The following PIGN variants were observed in gnomAD, a reference collection of about 807,000 sequenced individuals.
The protein encoded by PIGN is phosphatidylinositol glycan anchor biosynthesis class N, also known as GPI ethanolamine phosphate transferase 1.
A neutral mutation model predicts 125.4 loss-of-function variants in PIGN; 117 were observed. The observed-to-expected ratio is 0.93, with a 90% CI of 0.80 to 1.09. The LOEUF (loss-of-function observed/expected upper bound fraction) is 1.09. Ranked by LOEUF, PIGN falls within the 50% of genes least tolerant of loss-of-function variation. PIGN has a pLI of 0.00. For missense variants in PIGN, 1,075 were observed against 1,094.9 expected (o/e 0.98, Z 0.26); for synonymous variants, 392 against 377.8 (o/e 1.04, Z -0.44).
intron 16 of PIGN, among the ~76,000 whole-genome samples, chr18:62,112,251 A>C (rs1380770941): frequency 2.6e-5 from 4 of 152,216 alleles, no homozygotes; most frequent in Non-Finnish European, 5.9e-5. Context: ...CAAAATTATA[A>C]TAAACACTAA....
At chr18:62,137,381 G>C (rs893699886) in intron 14 of PIGN, 12 of 349,024 alleles carry the variant, frequency 3.4e-5, no homozygotes, top group Non-Finnish European at 2.0e-5. Context: ...GGTCTATTCT[G>C]GGACGTCACC....
intron 25 of PIGN, 27 bp downstream of exon 25, chr18:62,088,729 T>G: frequency 7.3e-7 from 1 of 1,373,702 alleles, no homozygotes; most frequent in Non-Finnish European, 1.0e-6. Flanking sequence ...TTGCAGCTCT[T>G]TAAACCAAAG....
intron 30 of PIGN, among the ~76,000 whole-genome samples, chr18:62,063,993 G>T (rs1164388283): frequency 6.6e-6 from 1 of 151,594 alleles, no homozygotes; most frequent in Non-Finnish European, 1.5e-5. Context: ...TGAGCTAATG[G>T]GTGCAGCACA....
chr18:62,098,962 T>C (rs1356693788), intron 22 of PIGN, among the ~76,000 whole-genome samples: 2 of 152,080 alleles, frequency 1.3e-5, no homozygotes, highest in South Asian at 2.1e-4. Context: ...CACTGCATAA[T>C]GTACAAGTGT....
At chr18:62,173,195 A>G (rs1423041178) in intron 1 of PIGN, among the ~76,000 whole-genome samples, 1 of 152,214 alleles carries the variant, frequency 6.6e-6, no homozygotes, top group Non-Finnish European at 1.5e-5. Flanking sequence ...CAATAACTCT[A>G]TTCAGCCATT....
intron 22 of PIGN, 21 bp from the exon 23 acceptor site, chr18:62,095,971 T>G (rs1318124827): frequency 1.3e-6 from 2 of 1,490,606 alleles, no homozygotes; most frequent in Non-Finnish European, 1.9e-6. Flanking sequence ...ACAGAACAGG[T>G]CATCTGTCAG....
At chr18:62,135,968 A>G (rs1029737011) in intron 14 of PIGN, 1 of 152,188 alleles carries the variant, frequency 6.6e-6, no homozygotes, top group African/African-American at 2.4e-5. Flanking sequence ...TCATTTGGTT[A>G]TAGTTTGCCT....
rs1253124512 is a variant in PIGN, at chr18:62,043,671, GA to G, written c.*2184del. 1 of 152,066 alleles carries G rather than the reference GA, an allele frequency of 6.6e-6. No individual in the cohort carries two copies. The highest frequency in any genetic ancestry group is 2.4e-5 in the African/African-American group (1 of 41,380). 9.4% of individuals were successfully genotyped at this position (152,066 alleles called of 1,614,324 possible). A position where few individuals can be genotyped will look rare whatever the true frequency, so the allele number is the denominator to read the frequency against. Reference sequence around the variant, plus strand: ...ACTAAGTATAATAATTAACATATTGGAAAATGACAGACAAGCTGCAGCGGTT... The same window carrying G: ...ACTAAGTATAATAATTAACATATTGGAAATGACAGACAAGCTGCAGCGGTT... On this transcript the variant is annotated 3_prime_UTR_variant, in exon 31 of 31. Coordinates refer to ENST00000640252, the MANE Select transcript of PIGN (RefSeq NM_176787.5).
Position 62,045,499 on chromosome 18 carries a change from CA to C in PIGN, c.*356del, listed in dbSNP as rs2030601879. The C allele has an allele frequency of 5.9e-6, 1 of 168,352 alleles. No homozygotes were observed. Among genetic ancestry groups the C allele is most frequent in the African/African-American group, 2.4e-5 (1 of 41,748 alleles). 10.4% of individuals were successfully genotyped at this position (168,352 alleles called of 1,614,324 possible). On this transcript the variant is annotated 3_prime_UTR_variant, in exon 31 of 31. Coordinates refer to ENST00000640252, the MANE Select transcript of PIGN (RefSeq NM_176787.5). ...CTCTGGATGCCATCAGCACTGCCCC[CA>C]CAGGCATATGCTCTCCTCTGGGTAT...
chr18:62,084,684 T>C (rs2033608230), intron 26 of PIGN, 78 bp from the exon 27 acceptor site: 1 of 931,724 alleles, frequency 1.1e-6, no homozygotes, highest in East Asian at 2.6e-5. Context: ...AAAAGATGTT[T>C]AAACTAATTC....
chr18:62,144,081 T>G (rs1038869014), intron 10 of PIGN, among the ~76,000 whole-genome samples: 5 of 152,184 alleles, frequency 3.3e-5, no homozygotes, highest in Non-Finnish European at 7.3e-5. Context: ...CACTAATCAG[T>G]TGATGAAAAA....
intron 29 of PIGN, 60 bp downstream of exon 29, chr18:62,074,719 T>A: frequency 9.2e-7 from 1 of 1,086,580 alleles, no homozygotes; most frequent in Admixed American, 2.2e-5. Flanking sequence ...ATATTTCTCT[T>A]TATTAAATTA....
intron 23 of PIGN, among the ~76,000 whole-genome samples, chr18:62,028,048 C>T (rs1179804375): frequency 6.6e-6 from 1 of 152,228 alleles, no homozygotes; most frequent in African/African-American, 2.4e-5. Flanking sequence ...CACTGTGCTC[C>T]CCTGTGGCAA....
intron 25 of PIGN, among the ~76,000 whole-genome samples, chr18:62,087,261 A>G (rs1316304852): frequency 6.6e-6 from 1 of 152,188 alleles, no homozygotes; most frequent in Non-Finnish European, 1.5e-5. Context: ...CTTAGAAGAA[A>G]ACTTGTACTG....
rs1599541829 is a variant in PIGN at position 62,109,175 on chromosome 18, G to A, written c.1574+659C>T. ...CATGACTCCAGCTGCCAGTGAGCAT[G>A]AACTAGTACTCCCTTCTAGTGGTTT... is the stretch of plus-strand genomic sequence containing the variant. On this transcript the variant is annotated intron_variant, in intron 17 of 30. Coordinates refer to ENST00000640252, the MANE Select transcript of PIGN (RefSeq NM_176787.5). Among the ~76,000 whole-genome samples, 3 of 152,280 alleles carry A rather than the reference G, an allele frequency of 2.0e-5. No homozygotes were observed. The East Asian group carries it at 5.8e-4, about 29-fold the overall frequency.
At chr18:62,113,410 C>G (rs554034794) in intron 15 of PIGN, 94 bp from the exon 16 acceptor site, 4 of 797,818 alleles carry the variant, frequency 5.0e-6, no homozygotes, top group Admixed American at 3.1e-5. Context: ...AACAGCCAAA[C>G]TGTTGTATTA....
intron 30 of PIGN, among the ~76,000 whole-genome samples, chr18:62,048,535 T>A (rs2030931786): frequency 2.0e-5 from 3 of 152,030 alleles, no homozygotes; most frequent in Admixed American, 2.0e-4. Context: ...GTGCACCATT[T>A]TTCAAGTGTT....
intron 14 of PIGN, chr18:62,136,992 A>G (rs1285454376): frequency 1.3e-5 from 5 of 397,808 alleles, no homozygotes; most frequent in Non-Finnish European, 2.2e-5. Flanking sequence ...GAAGGATGTA[A>G]AGTATTGTTC....
intron 14 of PIGN, chr18:62,118,773 T>C (rs1318927488): frequency 6.6e-6 from 1 of 151,724 alleles, no homozygotes; most frequent in Non-Finnish European, 1.5e-5. Context: ...AGGTGAAATC[T>C]TAAGAAGAGT....
Sources: allele counts gnomAD v4.1 joint callset (sites outside exome capture counted in the v4.1 genomes callset), GRCh38; gene constraint gnomAD v4.1.1; transcripts MANE v1.5; gene names NCBI Gene and HGNC (gene_info 2026-07-23, HGNC 2026-07-21).